The following TECR variants were observed in gnomAD, a reference collection of about 807,000 sequenced individuals.
The protein encoded by TECR is trans-2,3-enoyl-CoA reductase.
In TECR, 19 loss-of-function variants were observed where a neutral mutation model predicts 50.6. The observed-to-expected ratio is 0.38, with a 90% CI of 0.26 to 0.55. The LOEUF is 0.55. Among genes scored for constraint, TECR ranks in the 20% least tolerant of loss-of-function variants. The pLI is 0.79. For missense variants in TECR, 313 were observed against 408.3 expected, an observed-to-expected ratio of 0.77 and a Z score of 2.01; for synonymous variants, 168 against 163.5, an observed-to-expected ratio of 1.03 and a Z score of -0.21.
chr19:14,540,039 C>T (rs141941007), intron 1 of TECR, among the ~76,000 whole-genome samples: 7 of 150,928 alleles, frequency 4.6e-5, no homozygotes, highest in African/African-American at 1.7e-4. Flanking sequence ...GCCACCATGC[C>T]TGGCTAATTT....
chr19:14,552,116 G>C (rs2073543707), intron 1 of TECR, among the ~76,000 whole-genome samples: 1 of 150,196 alleles, frequency 6.7e-6, no homozygotes, highest in Non-Finnish European at 1.5e-5. Flanking sequence ...TGAGATTACA[G>C]GCATGAGCCA....
intron 1 of TECR, among the ~76,000 whole-genome samples, chr19:14,550,966 C>A (rs2073479560): frequency 6.6e-6 from 1 of 151,876 alleles, no homozygotes; most frequent in Admixed American, 6.6e-5. Flanking sequence ...ACTACCACAC[C>A]CGGCCGCTCC....
At chr19:14,550,131 CCTT>C (rs1314300304) in intron 1 of TECR, among the ~76,000 whole-genome samples, 1 of 151,948 alleles carries the variant, frequency 6.6e-6, no homozygotes, top group African/African-American at 2.4e-5. Context: ...TTTTGTCTCT[CCTT>C]CTATAGCTGA....
In TECR at chr19:14,532,534, AAG is replaced by A. The variant is rs1395822899; in HGVS notation, c.15+2824_15+2825del. 14 of 150,598 alleles carry A rather than the reference AAG, an allele frequency of 9.3e-5. No individual in the cohort carries two copies. The East Asian group carries it at 2.7e-3, about 29-fold the overall frequency. 9.3% of individuals were successfully genotyped at this position (150,598 alleles called of 1,614,324 possible). ...TCTCAAAAAAAAAAAAAAAAAAAAA[AAG>A]GGAAGCTTCAAACTCACTGTTCAAA... On this transcript the variant is annotated intron_variant, in intron 1 of 12. Coordinates refer to ENST00000215567, the MANE Select transcript of TECR (RefSeq NM_138501.6).
rs532443170 is a variant in TECR at position 14,534,466 on chromosome 19, C to T, written c.15+4755C>T. On this transcript the variant is annotated intron_variant, in intron 1 of 12. Transcript: ENST00000215567. ...TTTTTTTTTTTTTGTGACAGAGTCTCGCTCTGTCACCCAGGCTGGAGTGCA... is the reference window on the plus strand; with the variant it reads ...TTTTTTTTTTTTTGTGACAGAGTCTTGCTCTGTCACCCAGGCTGGAGTGCA... Among the ~76,000 whole-genome samples the T allele has an allele frequency of 2.6e-4, 27 of 105,716 alleles. No individual in the cohort carries two copies. The Admixed American group carries it at 2.8e-3, about 11-fold the overall frequency. 69.4% of individuals were successfully genotyped at this position (105,716 alleles called of 152,430 possible).
At chr19:14,532,205 T>C (rs1186432227) in intron 1 of TECR, 1 of 152,068 alleles carries the variant, frequency 6.6e-6, no homozygotes, top group Non-Finnish European at 1.5e-5. Flanking sequence ...AGACTTGGAC[T>C]GGAGAATATG....
At chr19:14,543,187 T>G (rs1334785316) in intron 1 of TECR, among the ~76,000 whole-genome samples, 1 of 149,492 alleles carries the variant, frequency 6.7e-6, no homozygotes, top group Non-Finnish European at 1.5e-5. Context: ...GGAGAAGCTG[T>G]TTCCCCAGAC....
At chr19:14,540,884 G>C (rs899819038) in intron 1 of TECR, among the ~76,000 whole-genome samples, 12 of 152,152 alleles carry the variant, frequency 7.9e-5, no homozygotes, top group African/African-American at 2.9e-4. Context: ...GCCCAGGCTG[G>C]AGTGCAGTAG....
intron 1 of TECR, among the ~76,000 whole-genome samples, chr19:14,558,523 G>C (rs1599486079): frequency 1.3e-5 from 2 of 152,254 alleles, no homozygotes; most frequent in Non-Finnish European, 2.9e-5. Flanking sequence ...TGGGCCTCCT[G>C]GTGAGAATTC....
intron 1 of TECR, among the ~76,000 whole-genome samples, chr19:14,554,742 C>T (rs1158605398): frequency 6.6e-6 from 1 of 152,116 alleles, no homozygotes; most frequent in Non-Finnish European, 1.5e-5. Flanking sequence ...CCACTCTTCA[C>T]CTCCACATCT....
intron 1 of TECR, among the ~76,000 whole-genome samples, chr19:14,544,689 A>G (rs2073242197): frequency 6.8e-6 from 1 of 147,984 alleles, no homozygotes; most frequent in Non-Finnish European, 1.5e-5. Context: ...GCTGGAGTGC[A>G]GTGGCACGAT....
In TECR at chr19:14,544,789, C is replaced by T. The variant is rs534483000; in HGVS notation, c.15+15078C>T. 2.3e-4 allele frequency among the ~76,000 whole-genome samples: 35 copies of T among 152,110 alleles called. No individual in the cohort carries two copies. The East Asian group carries it at 5.8e-3, about 25-fold the overall frequency. On this transcript the variant is annotated intron_variant, in intron 1 of 12. Coordinates refer to ENST00000215567, the MANE Select transcript of TECR (RefSeq NM_138501.6). ...CTGAGACCACAGGTGCATGCCATCA[C>T]GCCCGGCTAATTTGAAAATTTTCTG...
At chr19:14,549,211 CTT>C (rs561284094) in intron 1 of TECR, among the ~76,000 whole-genome samples, 3 of 111,150 alleles carry the variant, frequency 2.7e-5, no homozygotes, top group Non-Finnish European at 1.8e-5. Context: ...TTTAATTGGA[CTT>C]TTTTTTTTTT....
chr19:14,529,975 T>G (rs1599397322), intron 1 of TECR: 1 of 563,114 alleles, frequency 1.8e-6, no homozygotes, highest in Non-Finnish European at 3.2e-6. Context: ...CGCTTGCAGG[T>G]TCCTTGCAGC....
intron 1 of TECR, among the ~76,000 whole-genome samples, chr19:14,543,958 G>A (rs965439399): frequency 4.0e-5 from 6 of 150,350 alleles, no homozygotes; most frequent in African/African-American, 1.2e-4. Flanking sequence ...GGCAGGTCTC[G>A]AACTCCTGAC....
intron 7 of TECR, 21 bp downstream of exon 7, chr19:14,564,308 C>A (rs377111299): frequency 1.3e-5 from 20 of 1,581,910 alleles, no homozygotes; most frequent in Non-Finnish European, 1.6e-5. Context: ...GTCCCCGCCT[C>A]ACCCCTAAGC....
At position 14,559,803 on chromosome 19, in the gene TECR, T is replaced by C. The variant is rs942590735; in HGVS notation, c.16-2722T>C. On this transcript the variant is annotated intron_variant, in intron 1 of 12. Transcript: ENST00000215567. ...CTCTGTCTCAAAAAAAAAAAAAAAT[T>C]ATAGAGACACAGGGAATTGCAAGAA... Among the ~76,000 whole-genome samples the C allele has an allele frequency of 2.0e-5, 3 of 148,828 alleles. No individual in the cohort carries two copies. In the East Asian group the frequency reaches 5.9e-4, roughly 29 times the overall value.
chr19:14,528,315 C>T (rs969441138), upstream of TECR, among the ~76,000 whole-genome samples: 2 of 150,820 alleles, frequency 1.3e-5, no homozygotes, highest in African/African-American at 2.4e-5. Context: ...TCTTGGCTCA[C>T]TGCAACCTCC....
rs2072887650 is a variant in TECR at position 14,536,087 on chromosome 19, AG to A, written c.15+6377del. 2.0e-5 allele frequency among the ~76,000 whole-genome samples: 3 copies of A among 152,182 alleles called. No individual in the cohort carries two copies. In the South Asian group the frequency reaches 6.2e-4, roughly 32 times the overall value. On this transcript the variant is annotated intron_variant, in intron 1 of 12. Transcript: ENST00000215567. ...TACAGATGAGGGACCTGAGACCCAG[AG>A]AACAAGGCCTTTTCCAGGGCTGCAG...
Sources: allele counts gnomAD v4.1 joint callset (sites outside exome capture counted in the v4.1 genomes callset), GRCh38; gene constraint gnomAD v4.1.1; transcripts MANE v1.5; gene names NCBI Gene and HGNC (gene_info 2026-07-23, HGNC 2026-07-21).